CIB4: variants seen among roughly 807,000 people sequenced by gnomAD.
CIB4 encodes calcium and integrin binding family member 4.
Under a neutral mutation model 25.8 loss-of-function variants are expected in CIB4, and 25 were observed. The observed-to-expected ratio is 0.97, with a 90% CI of 0.71 to 1.35. CIB4 has a LOEUF of 1.35. Ranked by LOEUF, CIB4 falls within the 40% of genes most tolerant of loss-of-function variation. The pLI is 0.00. For missense variants in CIB4, 235 were observed against 228.2 expected (o/e 1.03, Z -0.19); for synonymous variants, 75 against 81.4 (o/e 0.92, Z 0.42).
At chr2:26,582,018 GCA>G (rs1215377152) in intron 6 of CIB4, among the ~76,000 whole-genome samples, 2 of 152,244 alleles carry the variant, frequency 1.3e-5, no homozygotes, top group Non-Finnish European at 2.9e-5. Context: ...CTGGTGCACA[GCA>G]CAGAGTGAGC....
At chr2:26,602,967 A>G (rs918181971) in intron 3 of CIB4, among the ~76,000 whole-genome samples, 2 of 149,034 alleles carry the variant, frequency 1.3e-5, no homozygotes, top group African/African-American at 5.0e-5. Context: ...AAAGGGGAAG[A>G]TCACTTGAGC....
chr2:26,610,033 T>C (rs547528542), intron 3 of CIB4, among the ~76,000 whole-genome samples: 1 of 152,280 alleles, frequency 6.6e-6, no homozygotes, highest in Admixed American at 6.5e-5. Flanking sequence ...GCAGGCTGGG[T>C]TCCGCTTGGA....
chr2:26,629,559 T>C (rs1669377050), intron 2 of CIB4, 53 bp from the exon 3 acceptor site: 1 of 1,271,106 alleles, frequency 7.9e-7, no homozygotes, highest in East Asian at 2.5e-5. Flanking sequence ...GCCAGCACTG[T>C]GTGGCCGGGG....
chr2:26,631,013 C>T (rs1669409178), intron 2 of CIB4, among the ~76,000 whole-genome samples: 1 of 152,158 alleles, frequency 6.6e-6, no homozygotes, highest in South Asian at 2.1e-4. Flanking sequence ...TAGTCCTTTC[C>T]TGTTCCTCTC....
At chr2:26,592,386 A>AG (rs1668601180) in intron 4 of CIB4, among the ~76,000 whole-genome samples, 2 of 152,228 alleles carry the variant, frequency 1.3e-5, no homozygotes, top group Admixed American at 1.3e-4. Flanking sequence ...GTGGTAAGGA[A>AG]GGGGGAACGC....
intron 2 of CIB4, among the ~76,000 whole-genome samples, chr2:26,633,610 C>T (rs1669476656): frequency 6.6e-6 from 1 of 152,220 alleles, no homozygotes; most frequent in South Asian, 2.1e-4. Context: ...ATCGTGGCTG[C>T]ATCTCGGCTG....
rs576641948 is a variant in CIB4, at chr2:26,632,373, C to T, written c.90-2867G>A. 1.6e-3 allele frequency among the ~76,000 whole-genome samples: 246 copies of T among 152,214 alleles called. 1 individual carries two copies. The highest frequency in any genetic ancestry group is 5.6e-3 in the African/African-American group (232 of 41,532). On this transcript the variant is annotated intron_variant, in intron 2 of 6. Transcript: ENST00000288861. ...TGGAACGGGTTGGGGGAGAGATTCT[C>T]CAGGAAAGTACTGGGGTGGATGCTG...
chr2:26,625,272 T>C (rs1217191613), intron 3 of CIB4, among the ~76,000 whole-genome samples: 1 of 152,020 alleles, frequency 6.6e-6, no homozygotes, highest in African/African-American at 2.4e-5. Flanking sequence ...TTACTTGTAT[T>C]GTGGAGAAAC....
chr2:26,641,201 A>C, intron 1 of CIB4, 60 bp downstream of exon 1: 1 of 1,422,334 alleles, frequency 7.0e-7, no homozygotes, highest in Non-Finnish European at 9.9e-7. Flanking sequence ...TTTCCCATTC[A>C]TTCCACCTGC....
intron 5 of CIB4, 31 bp from the exon 6 acceptor site, chr2:26,582,944 G>A (rs373137228): frequency 4.7e-6 from 7 of 1,492,972 alleles, no homozygotes; most frequent in Non-Finnish European, 6.5e-6. Flanking sequence ...ACAGTTGAGT[G>A]GAACCCCATG....
chr2:26,636,154 A>G (rs1055937333), intron 2 of CIB4, among the ~76,000 whole-genome samples: 1 of 152,162 alleles, frequency 6.6e-6, no homozygotes, highest in African/African-American at 2.4e-5. Context: ...TTATTTCTCT[A>G]TATATACTTC....
intron 2 of CIB4, among the ~76,000 whole-genome samples, chr2:26,630,668 G>A (rs542476690): frequency 3.3e-5 from 5 of 152,156 alleles, no homozygotes; most frequent in Non-Finnish European, 7.4e-5. Context: ...GTCGAGCAAG[G>A]TTCTGAATCC....
intron 5 of CIB4, 120 bp downstream of exon 5, chr2:26,583,669 C>T (rs187893859): frequency 2.9e-6 from 2 of 699,454 alleles, no homozygotes; most frequent in African/African-American, 1.8e-5. Context: ...AATGTGTCAT[C>T]TGCCTCAGGC....
intron 3 of CIB4, among the ~76,000 whole-genome samples, chr2:26,616,868 G>A (rs1273441231): frequency 1.3e-5 from 2 of 152,170 alleles, no homozygotes; most frequent in Non-Finnish European, 2.9e-5. Flanking sequence ...ATGCAGAAGA[G>A]CAAACAGAAG....
chr2:26,635,132 G>A (rs758878289), intron 2 of CIB4, among the ~76,000 whole-genome samples: 8 of 152,240 alleles, frequency 5.3e-5, no homozygotes, highest in Non-Finnish European at 8.8e-5. Context: ...ATGCTGCCCC[G>A]ATGCTAGGGC....
At chr2:26,599,401 T>A (rs1668741063) in intron 3 of CIB4, among the ~76,000 whole-genome samples, 3 of 152,248 alleles carry the variant, frequency 2.0e-5, no homozygotes, top group Admixed American at 6.5e-5. Context: ...TTTCTTTTTT[T>A]AAAGATCTTC....
intron 3 of CIB4, among the ~76,000 whole-genome samples, chr2:26,607,561 C>T (rs1668914965): frequency 6.6e-6 from 1 of 152,182 alleles, no homozygotes; most frequent in South Asian, 2.1e-4. Context: ...CCTCCATTTC[C>T]CCATCTGTAA....
At chr2:26,616,964 G>T (rs932793395) in intron 3 of CIB4, among the ~76,000 whole-genome samples, 1 of 152,192 alleles carries the variant, frequency 6.6e-6, no homozygotes, top group East Asian at 1.9e-4. Flanking sequence ...AGGGGAGCAG[G>T]GACAGCTCAG....
rs544164112 is a variant in CIB4 at position 26,603,057 on chromosome 2, C to T, written c.187-7740G>A. ...AGAGCAAGACCCTGTCTCTAAAAAA[C>T]GGGGTGGGGTGGGGGGGTTCACTTC... On this transcript the variant is annotated intron_variant, in intron 3 of 6. Coordinates refer to ENST00000288861, the MANE Select transcript of CIB4 (RefSeq NM_001029881.3). Among the ~76,000 whole-genome samples, 5 of 33,924 alleles carry T rather than the reference C, an allele frequency of 1.5e-4. No homozygotes were observed. The East Asian group carries it at 2.1e-3, about 14-fold the overall frequency. The allele number at this position is 33,924 out of a possible 152,430, so 22.3% of individuals were successfully genotyped here. A position where few individuals can be genotyped will look rare whatever the true frequency, so the allele number is the denominator to read the frequency against.
Sources: gnomAD v4.1 joint callset for allele counts (sites outside exome capture counted in the v4.1 genomes callset) on GRCh38, gnomAD v4.1.1 for gene constraint, MANE v1.5 for transcripts, NCBI Gene and HGNC (gene_info 2026-07-23, HGNC 2026-07-21) for gene names.